Variants in GLUD1 observed in about 807,000 individuals in gnomAD.
GLUD1 encodes glutamate dehydrogenase 1, mitochondrial.
Under a neutral mutation model 56.0 loss-of-function variants are expected in GLUD1, and 22 were observed. The observed-to-expected ratio is 0.39, with a 90% confidence interval of 0.28 to 0.56. The LOEUF is 0.56. Ranked by LOEUF, GLUD1 falls within the 20% of genes least tolerant of loss-of-function variation. The probability of loss-of-function intolerance (pLI) is 0.58; values close to 1 mark genes in which losing one functional copy is unlikely to be tolerated. For missense variants in GLUD1, 451 were observed against 732.0 expected, an observed-to-expected ratio of 0.62 and a Z score of 4.43; for synonymous variants, 223 against 269.9, an observed-to-expected ratio of 0.83 and a Z score of 1.70.
intron 1 of GLUD1, among the ~76,000 whole-genome samples, chr10:87,088,244 T>C (rs1301252980): frequency 6.7e-6 from 1 of 149,966 alleles, no homozygotes; most frequent in African/African-American, 2.4e-5. Flanking sequence ...ACTGAGCTTA[T>C]AGCAAAACAA....
At chr10:87,061,641 G>A (rs561408990) in intron 6 of GLUD1, among the ~76,000 whole-genome samples, 5 of 150,250 alleles carry the variant, frequency 3.3e-5, no homozygotes, top group East Asian at 2.0e-4. Context: ...TTTTGAGACC[G>A]AGTCTCATTC....
chr10:87,067,863 G>T, intron 5 of GLUD1, 200 bp downstream of exon 5: 1 of 561,568 alleles, frequency 1.8e-6, no homozygotes, highest in Non-Finnish European at 3.3e-6. Flanking sequence ...GACAAGTATA[G>T]GGCAGCATAT....
At chr10:87,073,763 C>T (rs1205160139) in intron 4 of GLUD1, among the ~76,000 whole-genome samples, 1 of 151,770 alleles carries the variant, frequency 6.6e-6, no homozygotes, top group Admixed American at 6.6e-5. Context: ...GGACTACAGG[C>T]ACTCGCGACC....
intron 5 of GLUD1, among the ~76,000 whole-genome samples, chr10:87,063,400 A>T (rs1421128123): frequency 6.6e-6 from 1 of 152,160 alleles, no homozygotes; most frequent in Non-Finnish European, 1.5e-5. Flanking sequence ...TGACAGAAAA[A>T]ACAAGAGTGT....
intron 1 of GLUD1, among the ~76,000 whole-genome samples, chr10:87,093,140 A>G (rs1471633214): frequency 1.3e-5 from 2 of 152,214 alleles, no homozygotes; most frequent in African/African-American, 2.4e-5. Flanking sequence ...GAACACCAGC[A>G]CCGCTCAAGT....
At chr10:87,061,074 A>G (rs764284577) in intron 6 of GLUD1, 22 bp from the exon 7 acceptor site, 2 of 1,609,940 alleles carry the variant, frequency 1.2e-6, no homozygotes, top group Non-Finnish European at 1.7e-6. Flanking sequence ...AATTACCCAT[A>G]ACACAAAAAT....
chr10:87,062,418 T>A (rs962812241), intron 6 of GLUD1, among the ~76,000 whole-genome samples: 1 of 152,244 alleles, frequency 6.6e-6, no homozygotes, highest in Non-Finnish European at 1.5e-5. Flanking sequence ...AATTTGGTGA[T>A]AGTTTGGTTG....
intron 1 of GLUD1, among the ~76,000 whole-genome samples, chr10:87,084,671 G>C (rs1237406273): frequency 6.6e-6 from 1 of 152,098 alleles, no homozygotes; most frequent in Non-Finnish European, 1.5e-5. Context: ...TCTTAATAGG[G>C]TTTGATTTAT....
intron 10 of GLUD1, among the ~76,000 whole-genome samples, 187 bp downstream of exon 10, chr10:87,058,963 T>C (rs4933426): frequency 0.69 from 104,682 of 152,138 alleles, 36,577 homozygotes; most frequent in African/African-American, 0.8. Context: ...GGATATAATA[T>C]ATGGGAGAGT....
chr10:87,059,008 A>T, intron 10 of GLUD1, 142 bp downstream of exon 10: 2 of 971,958 alleles, frequency 2.1e-6, no homozygotes, highest in Admixed American at 1.8e-5. Flanking sequence ...TTTTTGGTCT[A>T]AGTTTCATGA....
chr10:87,072,197 C>T (rs1009044418), intron 4 of GLUD1, among the ~76,000 whole-genome samples: 4 of 152,118 alleles, frequency 2.6e-5, no homozygotes, highest in Non-Finnish European at 4.4e-5. Flanking sequence ...TGCTTGAGCC[C>T]AGGAGGTCAA....
intron 1 of GLUD1, among the ~76,000 whole-genome samples, chr10:87,081,265 C>T (rs1175407366): frequency 2.0e-5 from 3 of 149,008 alleles, no homozygotes; most frequent in Admixed American, 1.3e-4. Flanking sequence ...CCTGGCTGCC[C>T]CTACTGGGAA....
At chr10:87,091,615 A>G in intron 1 of GLUD1, 1 of 964,476 alleles carries the variant, frequency 1.0e-6, no homozygotes, top group Non-Finnish European at 1.2e-6. Context: ...CCTCAGGTAC[A>G]TGTAGTAACT....
intron 5 of GLUD1, among the ~76,000 whole-genome samples, chr10:87,066,922 G>C (rs1439565126): frequency 2.0e-5 from 3 of 152,176 alleles, no homozygotes; most frequent in Admixed American, 2.0e-4. Flanking sequence ...TCAGTCCCCA[G>C]ACTCAGGTTC....
At chr10:87,068,625 A>G (rs770743127) in intron 4 of GLUD1, among the ~76,000 whole-genome samples, 8 of 152,208 alleles carry the variant, frequency 5.3e-5, no homozygotes, top group Non-Finnish European at 1.2e-4. Flanking sequence ...TATCAAGTAG[A>G]GAAAAAGGGG....
At chr10:87,081,958 A>G (rs1256471378) in intron 1 of GLUD1, among the ~76,000 whole-genome samples, 2 of 151,638 alleles carry the variant, frequency 1.3e-5, no homozygotes, top group East Asian at 1.9e-4. Flanking sequence ...AAAAAAAAAA[A>G]AAAAAGAAAA....
intron 1 of GLUD1, among the ~76,000 whole-genome samples, chr10:87,077,742 G>T (rs1260177603): frequency 6.6e-6 from 1 of 151,858 alleles, no homozygotes; most frequent in Non-Finnish European, 1.5e-5. Context: ...GTCTGAGTGG[G>T]GTTGATGTTT....
chr10:87,051,086 T>C lies in GLUD1; in HGVS notation c.*665A>G, dbSNP rs890360188. The C allele has an allele frequency of 1.3e-4, 21 of 161,816 alleles. No individual in the cohort carries two copies. The highest frequency in any genetic ancestry group is 4.8e-4 in the African/African-American group (20 of 41,474). 10.0% of individuals were successfully genotyped at this position (161,816 alleles called of 1,614,324 possible). On this transcript the variant is annotated 3_prime_UTR_variant, in exon 13 of 13. Coordinates refer to ENST00000277865, the MANE Select transcript of GLUD1 (RefSeq NM_005271.5). ...ATAAGCTATAAATGACATTGTTTTA[T>C]GATATAAAAATACTAGTTTTTTTCA... is the stretch of plus-strand genomic sequence containing the variant.
At position 87,094,836 on chromosome 10, in the gene GLUD1, C is replaced by T; in HGVS notation, c.-67G>A. On this transcript the variant is annotated 5_prime_UTR_variant, in exon 1 of 13. Transcript: ENST00000277865. This position sits in a 1 kb window ranked among gnomAD's most constrained non-coding sequence, Gnocchi z 6.6. Reference sequence around the variant, plus strand: ...GCGCGCTTTCTCAGACTCCCCGCGACTAGGGAGGAAGGGTCCCGCGCGGGT... The same window carrying T: ...GCGCGCTTTCTCAGACTCCCCGCGATTAGGGAGGAAGGGTCCCGCGCGGGT... The T allele has an allele frequency of 7.8e-7, 1 of 1,283,514 alleles. No homozygotes were observed. 79.5% of individuals were successfully genotyped at this position (1,283,514 alleles called of 1,614,324 possible).
Sources: gnomAD v4.1 joint callset for allele counts (sites outside exome capture counted in the v4.1 genomes callset) on GRCh38, gnomAD v4.1.1 for gene constraint, Gnocchi (gnomAD v3.1) non-coding constraint, MANE v1.5 for transcripts, NCBI Gene and HGNC (gene_info 2026-07-23, HGNC 2026-07-21) for gene names.